The following SV2C variants were observed in gnomAD, a reference collection of about 807,000 sequenced individuals.
SV2C encodes synaptic vesicle glycoprotein 2C.
A neutral mutation model predicts 79.7 loss-of-function variants in SV2C; 49 were observed. That is an observed-to-expected ratio of 0.61 (90% confidence interval 0.49 to 0.78). The LOEUF (loss-of-function observed/expected upper bound fraction) is 0.78. SV2C is among the 30% of genes least tolerant of loss of function. SV2C has a pLI of 0.00. For synonymous variants in SV2C, 334 were observed against 333.2 expected (o/e 1.00, Z -0.03); for missense variants, 833 against 912.9 (o/e 0.91, Z 1.13).
chr5:76,126,121 A>G (rs944823363), intron 1 of SV2C, among the ~76,000 whole-genome samples: 1 of 152,176 alleles, frequency 6.6e-6, no homozygotes, highest in African/African-American at 2.4e-5. Context: ...TGTTTTCAGG[A>G]AAGTTACACT....
chr5:76,291,891 G>A (rs749825583), intron 8 of SV2C, 35 bp downstream of exon 8: 19 of 1,460,236 alleles, frequency 1.3e-5, no homozygotes, highest in East Asian at 2.3e-5. Context: ...AAGCAAAATC[G>A]TTCAATGTCC....
chr5:76,130,166 AAAAAAAAAAAAAAAG>A (rs1427328158), intron 1 of SV2C, among the ~76,000 whole-genome samples: 1 of 144,218 alleles, frequency 6.9e-6, no homozygotes, highest in Non-Finnish European at 1.5e-5. Context: ...AAAAAAAAAA[AAAAAAAAAAAAAAAG>A]AGCTGGGGGA....
intron 12 of SV2C, among the ~76,000 whole-genome samples, chr5:76,320,488 A>G (rs1238704587): frequency 6.6e-6 from 1 of 152,236 alleles, no homozygotes; most frequent in African/African-American, 2.4e-5. Context: ...GTACCATACC[A>G]AAGCAAGAAG....
intron 2 of SV2C, among the ~76,000 whole-genome samples, chr5:76,144,959 GA>G (rs1190461911): frequency 6.6e-6 from 1 of 152,200 alleles, no homozygotes; most frequent in African/African-American, 2.4e-5. Flanking sequence ...AATAGAATTG[GA>G]GAGAATGGAC....
the SV2C span, among the ~76,000 whole-genome samples, chr5:75,970,151 A>T: frequency 6.6e-6 from 1 of 152,150 alleles, no homozygotes; most frequent in African/African-American, 2.4e-5. Context: ...ACATACCAGA[A>T]TCTCTTGGAC....
chr5:76,171,488 G>A (rs1743246404), intron 2 of SV2C, among the ~76,000 whole-genome samples: 1 of 126,884 alleles, frequency 7.9e-6, no homozygotes, highest in Non-Finnish European at 1.8e-5. Flanking sequence ...GAGAAGTGAG[G>A]AGACCCTCTG....
intron 1 of SV2C, among the ~76,000 whole-genome samples, chr5:76,095,325 A>G (rs1463050838): frequency 6.6e-6 from 1 of 152,098 alleles, no homozygotes; most frequent in Non-Finnish European, 1.5e-5. Context: ...GTAGAATTTC[A>G]TTGATATGCC....
At chr5:76,178,289 T>C (rs76534669) in intron 2 of SV2C, among the ~76,000 whole-genome samples, 2 of 152,234 alleles carry the variant, frequency 1.3e-5, no homozygotes, top group Admixed American at 6.5e-5. Flanking sequence ...CACCTTTTCA[T>C]GGGAAGAGCA....
At chr5:75,916,392 TTCCCCTTCC>T in the SV2C span, among the ~76,000 whole-genome samples, 339 of 110,114 alleles carry the variant, frequency 3.1e-3, 5 homozygotes, top group East Asian at 0.045. Flanking sequence ...CCCCTTCCCC[TTCCCCTTCC>T]TCCTCCTCCT....
chr5:75,879,072 A>G, the SV2C span, among the ~76,000 whole-genome samples: 1 of 152,172 alleles, frequency 6.6e-6, no homozygotes, highest in Non-Finnish European at 1.5e-5. Flanking sequence ...GAGTTCTGTC[A>G]TCGCCAAGGG....
At chr5:75,909,910 C>G in the SV2C span, among the ~76,000 whole-genome samples, 1 of 152,172 alleles carries the variant, frequency 6.6e-6, no homozygotes, top group Non-Finnish European at 1.5e-5. Flanking sequence ...TCAGGATGAT[C>G]CATCCACAGA....
At chr5:75,849,363 C>A in the SV2C span, among the ~76,000 whole-genome samples, 28 of 152,048 alleles carry the variant, frequency 1.8e-4, no homozygotes, top group Admixed American at 1.3e-4. Context: ...ACATATACAC[C>A]TACTTACAAT....
chr5:76,131,565 A>G (rs1408515837), intron 1 of SV2C, 85 bp from the exon 2 acceptor site: 3 of 420,836 alleles, frequency 7.1e-6, no homozygotes, highest in Non-Finnish European at 1.2e-5. Context: ...TTTGTGGGAC[A>G]CTGAAAAGAG....
intron 1 of SV2C, among the ~76,000 whole-genome samples, chr5:76,126,463 T>TTGGAAAGCTCCC (rs1467244556): frequency 1.3e-5 from 2 of 152,138 alleles, no homozygotes; most frequent in Non-Finnish European, 2.9e-5. Flanking sequence ...GGAAAGCTTC[T>TTGGAAAGCTCCC]TGGAAAGCTC....
chr5:76,322,805 A>T (rs1051773777), intron 12 of SV2C, among the ~76,000 whole-genome samples: 3 of 152,224 alleles, frequency 2.0e-5, no homozygotes, highest in African/African-American at 7.2e-5. Context: ...CCTATTCAAA[A>T]AAAGGTGCTG....
rs555892742 is a variant in SV2C, at chr5:76,151,219, C to T, written c.580+18889C>T. On this transcript the variant is annotated intron_variant, in intron 2 of 12. Transcript: ENST00000502798. ...TGGTGTTTCTGAAAGACAGAACAAACTGAGCAAAGGCACAAAGGCATGGAA... is the reference window on the plus strand; with the variant it reads ...TGGTGTTTCTGAAAGACAGAACAAATTGAGCAAAGGCACAAAGGCATGGAA... Among the ~76,000 whole-genome samples the T allele has an allele frequency of 5.9e-5, 9 of 152,276 alleles. No homozygotes were observed. In the South Asian group the frequency reaches 1.9e-3, roughly 32 times the overall value.
chr5:76,322,074 A>C (rs553151371), intron 12 of SV2C, among the ~76,000 whole-genome samples: 64 of 152,344 alleles, frequency 4.2e-4, no homozygotes, highest in African/African-American at 1.4e-3. Context: ...AAGATGAGGG[A>C]TATAACCTCA....
the SV2C span, among the ~76,000 whole-genome samples, chr5:76,068,767 T>C: frequency 6.6e-6 from 1 of 152,106 alleles, no homozygotes; most frequent in Non-Finnish European, 1.5e-5. Flanking sequence ...AAATAAACTA[T>C]TTGCATATAT....
At chr5:76,074,698 A>T in the SV2C span, among the ~76,000 whole-genome samples, 2 of 152,190 alleles carry the variant, frequency 1.3e-5, no homozygotes, top group African/African-American at 4.8e-5. Context: ...CCACCAGAGG[A>T]GGCTAGAGAC....
Sources: allele counts gnomAD v4.1 joint callset (sites outside exome capture counted in the v4.1 genomes callset), GRCh38; gene constraint gnomAD v4.1.1; transcripts MANE v1.5; gene names NCBI Gene and HGNC (gene_info 2026-07-23, HGNC 2026-07-21).